Variants in MYH6 observed in about 807,000 individuals in gnomAD.
The protein encoded by MYH6 is myosin heavy chain 6, also known as myosin-6.
A neutral mutation model predicts 223.2 loss-of-function variants in MYH6; 126 were observed. The observed-to-expected ratio is 0.56, with a 90% CI of 0.49 to 0.65. MYH6 has a LOEUF of 0.65. MYH6 is among the 30% of genes least tolerant of loss of function. The pLI is 0.00. For missense variants in MYH6, 2,040 were observed against 2,536.4 expected, an observed-to-expected ratio of 0.80 and a Z score of 4.20; for synonymous variants, 978 against 1,010.2, an observed-to-expected ratio of 0.97 and a Z score of 0.61.
Position 23,388,950 on chromosome 14 carries a change from C to A in MYH6, c.4084G>T (p.Val1362Phe). 6.2e-7 allele frequency: 1 copy of A among 1,613,744 alleles called. No individual in the cohort carries two copies. Among genetic ancestry groups the A allele is most frequent in the Non-Finnish European group, 8.5e-7 (1 of 1,180,024 alleles). The change falls in exon 29 of 39, where the codon GTC becomes TTC. Residue 1362 changes from valine to phenylalanine, a missense_variant. This residue lies in a region of MYH6 where 1,203 missense variants were observed against 1,400.2 expected (regional missense o/e 0.86). Coordinates refer to ENST00000405093, the MANE Select transcript of MYH6 (RefSeq NM_002471.4). ...ACCTCCGAGTTGGCCTTGGACAGGA[C>A]GCGCTGCAGCTCGGCCTTGGCCTCT... ...ETEAKAELQR[V>F]LSKANSEVAQ...
At chr14:23,382,663 A>G in intron 37 of MYH6, 101 bp from the exon 38 acceptor site, 16 of 1,542,034 alleles carry the variant, frequency 1.0e-5, no homozygotes, top group Non-Finnish European at 1.4e-5. Flanking sequence ...TGAGGCACCC[A>G]TACCTCATGC....
chr14:23,386,400 T>C lies in MYH6; in HGVS notation c.4874A>G (p.Asn1625Ser), dbSNP rs776765616. The C allele has an allele frequency of 2.3e-5, 37 of 1,614,058 alleles. No individual in the cohort carries two copies. Among genetic ancestry groups the C allele is most frequent in the South Asian group, 6.6e-5 (6 of 91,088 alleles). Residue 1625 changes from asparagine (N) to serine (S), a missense_variant, in exon 33 of 39, where the codon AAT becomes AGT. This residue lies in a region of MYH6 where 1,203 missense variants were observed against 1,400.2 expected (regional missense o/e 0.86). Coordinates refer to ENST00000405093, the MANE Select transcript of MYH6 (RefSeq NM_002471.4). ...RVKKKMEGDL[N>S]EMEIQLSHAN... ...GTGGCTGAGCTGGATCTCCATCTCA[T>C]TGAGGTCTCCTTCCATCTTCTTCTT...
At position 23,405,893 on chromosome 14, in the gene MYH6, G is replaced by A. The variant is rs1003602888; in HGVS notation, c.202-123C>T. The A allele has an allele frequency of 7.9e-7, 1 of 1,258,124 alleles. No individual in the cohort carries two copies. The highest frequency in any genetic ancestry group is 1.2e-6 in the Non-Finnish European group (1 of 868,032). 77.9% of individuals were successfully genotyped at this position (1,258,124 alleles called of 1,614,324 possible). A position where few individuals can be genotyped will look rare whatever the true frequency, so the allele number is the denominator to read the frequency against. On this transcript the variant is annotated intron_variant, in intron 3 of 38. Transcript: ENST00000405093. The surrounding 1 kb of genome is among the most constrained non-coding windows in gnomAD (Gnocchi z 4.7). ...GGCCTTGCTCCCCTTGCTCTGACCA[G>A]TGCCCCGGCCCCTACCCCGATGTCC...
chr14:23,395,049 G>A (rs1891353097), intron 20 of MYH6, among the ~76,000 whole-genome samples: 1 of 152,126 alleles, frequency 6.6e-6, no homozygotes, highest in Admixed American at 6.5e-5. Flanking sequence ...AGTTTTAGTA[G>A]AGACGGGGTT....
chr14:23,397,297 A>G, intron 16 of MYH6, 40 bp from the exon 17 acceptor site: 1 of 1,582,576 alleles, frequency 6.3e-7, no homozygotes, highest in Non-Finnish European at 8.7e-7. Flanking sequence ...AGCCACAAGG[A>G]CCATCCCTTA....
At position 23,389,059 on chromosome 14, in the gene MYH6, G is replaced by A; in HGVS notation, c.3979-4C>T. 6.4e-7 allele frequency: 1 copy of A among 1,552,934 alleles called. No homozygotes were observed. Among genetic ancestry groups the A allele is most frequent in the Non-Finnish European group, 8.7e-7 (1 of 1,155,472 alleles). On this transcript the variant is annotated splice_region_variant and splice_polypyrimidine_tract_variant and intron_variant, in intron 28 of 38. Coordinates refer to ENST00000405093, the MANE Select transcript of MYH6 (RefSeq NM_002471.4). ...CATGGGCCAGGGCGTTCTTCGCCTG[G>A]GGAGGGGGGGGGGCACCAGGAGGTG...
Position 23,382,580 on chromosome 14 carries a change from GGATGGGTGAATGAGCTGGA to G in MYH6, c.5662-37_5662-19del. 1 of 1,614,156 alleles carries G rather than the reference GGATGGGTGAATGAGCTGGA, an allele frequency of 6.2e-7. No homozygotes were observed. The highest frequency in any genetic ancestry group is 8.5e-7 in the Non-Finnish European group (1 of 1,180,014). On this transcript the variant is annotated intron_variant, in intron 37 of 38. Transcript: ENST00000405093. ...TGCTCCTCCTGTGGTGGGACAGTGGGGATGGGTGAATGAGCTGGAGATGGGCTATGGGATTCTCAGCCTC... is the reference window on the plus strand; with the variant it reads ...TGCTCCTCCTGTGGTGGGACAGTGGGGATGGGCTATGGGATTCTCAGCCTC...
At chr14:23,386,777 G>A (rs1017905935) in intron 32 of MYH6, among the ~76,000 whole-genome samples, 154 bp from the exon 33 acceptor site, 6 of 152,108 alleles carry the variant, frequency 3.9e-5, no homozygotes, top group African/African-American at 1.4e-4. Flanking sequence ...TGCCCACCAC[G>A]GTGCTATTGG....
Position 23,400,710 on chromosome 14 carries a change from T to G in MYH6, c.1409A>C (p.Asp470Ala). The G allele has an allele frequency of 6.2e-7, 1 of 1,614,260 alleles. No individual in the cohort carries two copies. Among genetic ancestry groups the G allele is most frequent in the Non-Finnish European group, 8.5e-7 (1 of 1,180,052 alleles). ...VLDIAGFEIF[D>A]FNSFEQLCIN... ...CCACTCCCAGGGGTCCCAACTCACG[T>G]CGAAGATCTCGAAGCCAGCGATGTC... Residue 470 changes from aspartate (D) to alanine (A), a missense_variant and splice_region_variant, in exon 13 of 39, where the codon GAC (aspartate) becomes GCC (alanine). Asp to Ala is a moderately radical substitution (Grantham distance 126). This residue lies in a region of MYH6 where 649 missense variants were observed against 877.3 expected (regional missense o/e 0.74). Coordinates refer to ENST00000405093, the MANE Select transcript of MYH6 (RefSeq NM_002471.4).
intron 25 of MYH6, among the ~76,000 whole-genome samples, chr14:23,392,147 T>G (rs1595055092): frequency 6.6e-6 from 1 of 151,644 alleles, no homozygotes; most frequent in East Asian, 1.9e-4. Flanking sequence ...GGTTAGTGGC[T>G]GGGGTTAGTA....
chr14:23,398,955 T>C lies in MYH6; in HGVS notation c.1664A>G (p.Asp555Gly), dbSNP rs370663301. 2 of 1,613,956 alleles carry C rather than the reference T, an allele frequency of 1.2e-6. No individual in the cohort carries two copies. Among genetic ancestry groups the C allele is most frequent in the Admixed American group, 1.7e-5 (1 of 60,006 alleles). Residue 555 changes from aspartate to glycine, a missense_variant, in exon 15 of 39, where the codon GAC (aspartate) becomes GGC (glycine). Physicochemically the swap from Asp to Gly is moderately conservative, Grantham distance 94 (BLOSUM62 -1). This residue lies in a region of MYH6 where 649 missense variants were observed against 877.3 expected (regional missense o/e 0.74). Transcript: ENST00000405093. ...TDMTFKAKLYDNHLGKSNNFQ... is the reference protein window; with the variant it reads ...TDMTFKAKLYGNHLGKSNNFQ... ...ATTGTTGGACTTGCCCAGGTGGTTG[T>C]CGTACAGCTTGGCCTTGAAGGTCAT... is the stretch of plus-strand genomic sequence containing the variant.
At position 23,387,591 on chromosome 14, in the gene MYH6, T is replaced by G; in HGVS notation, c.4588A>C (p.Lys1530Gln). ...TCCACCTCCAGCTGTTTGCGGACCT[T>G]CTCCAGCTCATGCACATTCTTTCCT... Reference protein sequence around the residue: ...EGGKNVHELEKVRKQLEVEKL... With the variant: ...EGGKNVHELEQVRKQLEVEKL... Residue 1530 changes from lysine to glutamine, a missense_variant, in exon 32 of 39, where the codon AAG becomes CAG. By Grantham distance (53) the Lys-to-Gln change is moderately conservative. This residue lies in a region of MYH6 where 1,203 missense variants were observed against 1,400.2 expected (regional missense o/e 0.86). Transcript: ENST00000405093. The G allele has an allele frequency of 6.2e-7, 1 of 1,614,008 alleles. No homozygotes were observed. The highest frequency in any genetic ancestry group is 8.5e-7 in the Non-Finnish European group (1 of 1,179,984).
At chr14:23,404,643 G>C in intron 7 of MYH6, 68 bp downstream of exon 7, 2 of 1,460,266 alleles carry the variant, frequency 1.4e-6, no homozygotes, top group Non-Finnish European at 1.9e-6. Context: ...GGAGGGGAGG[G>C]TTAGGGGTAA....
chr14:23,391,218 C>T (rs1488092853), intron 25 of MYH6, among the ~76,000 whole-genome samples: 1 of 152,200 alleles, frequency 6.6e-6, no homozygotes, highest in Non-Finnish European at 1.5e-5. Flanking sequence ...CCCTTCACCT[C>T]GGGTTATGGA....
At chr14:23,388,630 G>A (rs1398569419) in intron 29 of MYH6, 3 of 860,920 alleles carry the variant, frequency 3.5e-6, no homozygotes, top group South Asian at 1.3e-5. Flanking sequence ...TTATACGTGA[G>A]CATCAGGTAT....
chr14:23,404,898 C>T lies in MYH6; in HGVS notation c.531-76G>A, dbSNP rs577244975. On this transcript the variant is annotated intron_variant, in intron 6 of 38. Transcript: ENST00000405093. The stretch of plus-strand genomic sequence containing the variant: ...ACAGGGCTCAGCATCACATGCTCCC[C>T]TTCCCAGCCTGGCCATCAGAGCCCA... 4 of 1,520,040 alleles carry T rather than the reference C, an allele frequency of 2.6e-6. No homozygotes were observed. In the South Asian group the frequency reaches 4.5e-5, roughly 17 times the overall value. 94.2% of individuals were successfully genotyped at this position (1,520,040 alleles called of 1,614,324 possible). A position where few individuals can be genotyped will look rare whatever the true frequency, so the allele number is the denominator to read the frequency against.
intron 10 of MYH6, 132 bp from the exon 11 acceptor site, chr14:23,402,932 G>T: frequency 1.4e-6 from 1 of 727,404 alleles, no homozygotes; most frequent in African/African-American, 1.7e-5. Context: ...GGGAGGACAG[G>T]GAGCAGGGAG....
chr14:23,397,967 CTT>C (rs1891473227), intron 15 of MYH6, among the ~76,000 whole-genome samples: 1 of 118,518 alleles, frequency 8.4e-6, no homozygotes, highest in African/African-American at 3.3e-5. Flanking sequence ...TCTTCTTCTT[CTT>C]CTTCTTCTTC....
Position 23,386,576 on chromosome 14 carries a change from C to T in MYH6, c.4698G>A (p.Glu1566=), listed in dbSNP as rs542799440. ...CGATCTCTGCCTTGATCTGGTTGAA[C>T]TCTAGCTGGGCCCGGAGGATCTTGC... ...EEGKILRAQL[E]FNQIKAEIER... Residue 1566 remains glutamate, a synonymous_variant, in exon 33 of 39, where the codon GAG becomes GAA. Coordinates refer to ENST00000405093, the MANE Select transcript of MYH6 (RefSeq NM_002471.4). 4.0e-5 allele frequency: 64 copies of T among 1,613,074 alleles called. No individual in the cohort carries two copies. In the South Asian group the frequency reaches 5.6e-4, roughly 14 times the overall value.
Sources: allele counts gnomAD v4.1 joint callset (sites outside exome capture counted in the v4.1 genomes callset), GRCh38; gene constraint gnomAD v4.1.1; regional missense constraint gnomAD v4.1.1; non-coding constraint Gnocchi (gnomAD v3.1); transcripts MANE v1.5; gene names NCBI Gene and HGNC (gene_info 2026-07-23, HGNC 2026-07-21).